The following PRKG1 variants were observed in gnomAD, a reference collection of about 807,000 sequenced individuals.
The protein encoded by PRKG1 is cGMP-dependent protein kinase 1.
Under a neutral mutation model 88.1 loss-of-function variants are expected in PRKG1, and 35 were observed. The observed-to-expected ratio is 0.40, with a 90% CI of 0.30 to 0.53. The LOEUF (loss-of-function observed/expected upper bound fraction) is 0.53, where lower values mean the gene tolerates loss of function less well. Among genes scored for constraint, PRKG1 ranks in the 20% least tolerant of loss-of-function variants. The pLI is 0.59. For missense variants in PRKG1, 540 were observed against 839.8 expected (o/e 0.64, Z 4.41); for synonymous variants, 303 against 292.5 (o/e 1.04, Z -0.37).
intron 9 of PRKG1, chr10:52,231,008 AGAAG>A (rs1198240809): frequency 6.6e-6 from 1 of 152,230 alleles, no homozygotes; most frequent in African/African-American, 2.4e-5. Context: ...TGTGGTCATT[AGAAG>A]GGATAAACTT....
At chr10:52,020,993 CA>C (rs1845168939) in intron 5 of PRKG1, among the ~76,000 whole-genome samples, 1 of 152,100 alleles carries the variant, frequency 6.6e-6, no homozygotes, top group Non-Finnish European at 1.5e-5. Flanking sequence ...TGATAGTTGC[CA>C]AACTGTCACC....
At chr10:51,056,444 T>C (rs1843627159) in intron 1 of PRKG1, among the ~76,000 whole-genome samples, 1 of 152,220 alleles carries the variant, frequency 6.6e-6, no homozygotes, top group South Asian at 2.1e-4. Context: ...TTGTTTATTA[T>C]AAGAACAATT....
intron 2 of PRKG1, among the ~76,000 whole-genome samples, chr10:51,364,420 A>G (rs1157138194): frequency 6.6e-6 from 1 of 151,984 alleles, no homozygotes; most frequent in African/African-American, 2.4e-5. Flanking sequence ...CCTTCATGAA[A>G]TGAGATCTTT....
intron 9 of PRKG1, among the ~76,000 whole-genome samples, chr10:52,246,968 T>G (rs1310643447): frequency 9.5e-6 from 1 of 104,978 alleles, no homozygotes; most frequent in African/African-American, 2.7e-5. Flanking sequence ...AATCTTATAA[T>G]CAGACATATT....
intron 7 of PRKG1, among the ~76,000 whole-genome samples, chr10:52,113,893 G>A (rs1317452642): frequency 1.3e-5 from 2 of 152,150 alleles, no homozygotes; most frequent in African/African-American, 2.4e-5. Flanking sequence ...CACTGTGAAT[G>A]TAGTTTAGAG....
chr10:51,197,562 C>T (rs1314989949), intron 2 of PRKG1, among the ~76,000 whole-genome samples: 1 of 152,054 alleles, frequency 6.6e-6, no homozygotes, highest in African/African-American at 2.4e-5. Flanking sequence ...ATGTAAGCCA[C>T]TGTGCCTGGC....
chr10:51,289,679 A>G (rs1161125946), intron 2 of PRKG1, among the ~76,000 whole-genome samples: 1 of 151,824 alleles, frequency 6.6e-6, no homozygotes, highest in East Asian at 1.9e-4. Context: ...TGAGAGAGAG[A>G]GAGAGAGAGA....
At chr10:51,737,217 C>A (rs149998713) in intron 3 of PRKG1, among the ~76,000 whole-genome samples, 1 of 152,148 alleles carries the variant, frequency 6.6e-6, no homozygotes, top group Admixed American at 6.6e-5. Flanking sequence ...CATCTTCCCC[C>A]ACTCCCACAT....
chr10:52,208,920 GA>G (rs1486175929), intron 9 of PRKG1, among the ~76,000 whole-genome samples: 1 of 152,044 alleles, frequency 6.6e-6, no homozygotes, highest in Admixed American at 6.6e-5. Context: ...ACAATACTAA[GA>G]CTTTATTATT....
intron 4 of PRKG1, among the ~76,000 whole-genome samples, chr10:51,851,377 T>C (rs1840550348): frequency 6.6e-6 from 1 of 152,106 alleles, no homozygotes; most frequent in South Asian, 2.1e-4. Context: ...TTCTAGTGGA[T>C]ATAGACTCAT....
upstream of PRKG1, chr10:51,074,468 T>A (rs556901760): frequency 2.7e-6 from 4 of 1,464,780 alleles, no homozygotes; most frequent in African/African-American, 2.8e-5. Context: ...GGCTTTGGTC[T>A]CAAGTAGGAA....
intron 3 of PRKG1, among the ~76,000 whole-genome samples, chr10:51,636,245 A>G (rs1028939787): frequency 1.3e-5 from 2 of 152,186 alleles, no homozygotes; most frequent in African/African-American, 4.8e-5. Context: ...GAAGAGGGAA[A>G]TGACACCGCC....
At chr10:51,019,851 A>AT (rs558505836) in intron 1 of PRKG1, among the ~76,000 whole-genome samples, 2 of 152,042 alleles carry the variant, frequency 1.3e-5, no homozygotes, top group Non-Finnish European at 1.5e-5. Flanking sequence ...ATGAATAGAA[A>AT]TTTTTTTAAA....
chr10:52,180,347 T>C (rs140344122), intron 9 of PRKG1, among the ~76,000 whole-genome samples: 92 of 152,332 alleles, frequency 6.0e-4, no homozygotes, highest in African/African-American at 2.0e-3. Flanking sequence ...CTATCTGTAA[T>C]CTCTTATATC....
chr10:51,284,865 C>CTTTTTTTTTTTTTTTTTTTTTTATCTTTT (rs1840395637), intron 2 of PRKG1, among the ~76,000 whole-genome samples: 1 of 51,698 alleles, frequency 1.9e-5, no homozygotes. Context: ...GTTGTGGGTA[C>CTTTTTTTTTTTTTTTTTTTTTTATCTTTT]TTTTTTTTTT....
Position 51,799,348 on chromosome 10 carries a change from C to T in PRKG1, c.593-5237C>T, listed in dbSNP as rs531062803. On this transcript the variant is annotated intron_variant, in intron 3 of 17. Coordinates refer to ENST00000373980, the MANE Select transcript of PRKG1 (RefSeq NM_006258.4). The stretch of plus-strand genomic sequence containing the variant: ...TTGTTGCTTTCCTTATCACTTCTGT[C>T]TCACCTCTGACTACCCCCTAGCATC... Among the ~76,000 whole-genome samples the T allele has an allele frequency of 4.8e-4, 73 of 152,172 alleles. No homozygotes were observed. The South Asian group carries it at 0.014, about 30-fold the overall frequency.
intron 8 of PRKG1, among the ~76,000 whole-genome samples, chr10:52,156,648 G>T (rs542301956): frequency 6.6e-5 from 10 of 151,548 alleles, no homozygotes; most frequent in Admixed American, 2.0e-4. Flanking sequence ...AGTATAAACC[G>T]CTAAGAATTA....
At chr10:51,706,659 G>A (rs1015064982) in intron 3 of PRKG1, among the ~76,000 whole-genome samples, 2 of 152,114 alleles carry the variant, frequency 1.3e-5, no homozygotes, top group African/African-American at 4.8e-5. Flanking sequence ...TATACTCTCA[G>A]CACTTAGAAA....
At chr10:51,848,951 G>A (rs1470554083) in intron 4 of PRKG1, among the ~76,000 whole-genome samples, 1 of 151,192 alleles carries the variant, frequency 6.6e-6, no homozygotes, top group Non-Finnish European at 1.5e-5. Flanking sequence ...TTGATGTCAT[G>A]ATATCATTTT....
Sources: gnomAD v4.1 joint callset for allele counts (sites outside exome capture counted in the v4.1 genomes callset) on GRCh38, gnomAD v4.1.1 for gene constraint, MANE v1.5 for transcripts, NCBI Gene and HGNC (gene_info 2026-07-23, HGNC 2026-07-21) for gene names.